Variants in CFAP410 observed in about 807,000 individuals in gnomAD.
The protein encoded by CFAP410 is cilia and flagella associated protein 410.
Under a neutral mutation model 25.7 loss-of-function variants are expected in CFAP410, and 27 were observed. The observed-to-expected ratio is 1.05, with a 90% CI of 0.77 to 1.45. The LOEUF (loss-of-function observed/expected upper bound fraction) is 1.45. Ranked by LOEUF, CFAP410 falls within the 40% of genes most tolerant of loss-of-function variation. The pLI is 0.00. For missense variants in CFAP410, 428 were observed against 354.1 expected, an observed-to-expected ratio of 1.21 and a Z score of -1.67; for synonymous variants, 178 against 158.4, an observed-to-expected ratio of 1.12 and a Z score of -0.93.
intron 1 of CFAP410, chr21:44,338,374 A>C (rs1302873635): frequency 1.7e-6 from 2 of 1,172,230 alleles, no homozygotes; most frequent in Admixed American, 4.6e-5. Flanking sequence ...GCAGGCCTCA[A>C]CTCCAGGCTC....
chr21:44,331,049 CA>C, intron 5 of CFAP410, 130 bp from the exon 6 acceptor site: 1 of 850,760 alleles, frequency 1.2e-6, no homozygotes, highest in Non-Finnish European at 1.8e-6. Flanking sequence ...CACACGGGGG[CA>C]AGAGAAGGGA....
rs752395624 is a variant in CFAP410 at position 44,331,894 on chromosome 21, CT to C, written c.493del (p.Ser165AlafsTer27). The C allele has an allele frequency of 6.1e-5, 99 of 1,613,010 alleles. No individual in the cohort carries two copies. Among genetic ancestry groups the C allele is most frequent in the Non-Finnish European group, 8.1e-5 (95 of 1,179,828 alleles). ...GTCCCGGCCAGTCTCAGCAGCGGAG[CT>C]GAGGGAGCTCAGTGTGCAGCATAGC... The part of the protein sequence containing the change: ...PKLCCTLSSL[S>X]SAAETGRDPL... On this transcript the variant is annotated frameshift_variant, in exon 5 of 7. Transcript: ENST00000339818. LOFTEE classifies it high-confidence loss of function.
chr21:44,332,141 A>G, intron 4 of CFAP410, 127 bp from the exon 5 acceptor site: 2 of 695,794 alleles, frequency 2.9e-6, no homozygotes, highest in East Asian at 3.2e-5. Context: ...ACGTGTATCC[A>G]CCTCCAGGGA....
At chr21:44,336,188 CT>C (rs2047753284) in intron 2 of CFAP410, among the ~76,000 whole-genome samples, 1 of 152,192 alleles carries the variant, frequency 6.6e-6, no homozygotes, top group Non-Finnish European at 1.5e-5. Context: ...CCAGGTTCTC[CT>C]CTGACACCAC....
chr21:44,333,057 G>A lies in CFAP410; in HGVS notation c.349C>T (p.Arg117Cys), dbSNP rs775496851. Residue 117 changes from arginine (R) to cysteine (C), a missense_variant, in exon 4 of 7, where the codon CGC becomes TGC. By Grantham distance (180) the Arg-to-Cys change is radical. Transcript: ENST00000339818. ...YRMTVLRTLP[R>C]LQKLDNQAVT... ...CCCTGGTTGTCCAGCTTCTGTAGGC[G>A]CGGCAGGGTGCGCAGCACGGTCATG... 4.4e-6 allele frequency: 7 copies of A among 1,598,994 alleles called. No individual in the cohort carries two copies. Among genetic ancestry groups the A allele is most frequent in the South Asian group, 2.2e-5 (2 of 90,096 alleles).
chr21:44,333,371 T>C, intron 3 of CFAP410, 109 bp from the exon 4 acceptor site: 1 of 831,936 alleles, frequency 1.2e-6, no homozygotes, highest in South Asian at 1.6e-5. Context: ...GTCCCTGCCC[T>C]CTCCTGAGAA....
In CFAP410 at chr21:44,337,736, C is replaced by A. The variant is rs111784759; in HGVS notation, c.78-69G>T. 9.9e-6 allele frequency: 13 copies of A among 1,314,468 alleles called. No individual in the cohort carries two copies. In the African/African-American group the frequency reaches 1.8e-4, roughly 18 times the overall value. The allele number at this position is 1,314,468 out of a possible 1,614,324, so 81.4% of individuals were successfully genotyped here. Reference sequence around the variant, plus strand: ...ATAAAAAACACTGAAGACAAAAATTCCAAAAATCACCGATGACTCCCTACA... The same window carrying A: ...ATAAAAAACACTGAAGACAAAAATTACAAAAATCACCGATGACTCCCTACA... On this transcript the variant is annotated intron_variant, in intron 1 of 6. Coordinates refer to ENST00000339818, the MANE Select transcript of CFAP410 (RefSeq NM_004928.3).
chr21:44,334,085 A>G (rs752399565), intron 3 of CFAP410: 1 of 455,710 alleles, frequency 2.2e-6, no homozygotes, highest in Non-Finnish European at 4.4e-6. Flanking sequence ...CGGCTGTGGG[A>G]CTCTTTCCAG....
chr21:44,330,943 G>A, intron 5 of CFAP410, 24 bp from the exon 6 acceptor site: 1 of 1,555,818 alleles, frequency 6.4e-7, no homozygotes, highest in Non-Finnish European at 8.7e-7. Flanking sequence ...AAAGGCGTGT[G>A]AGGGTCAGGG....
chr21:44,332,784 G>C (rs2146066683), intron 4 of CFAP410: 1 of 548,534 alleles, frequency 1.8e-6, no homozygotes, highest in East Asian at 2.9e-5. Flanking sequence ...ACCAGGTCCT[G>C]CGGTCGTTGG....
At chr21:44,336,836 T>C (rs2047765192) in intron 2 of CFAP410, 1 of 151,936 alleles carries the variant, frequency 6.6e-6, no homozygotes, top group Non-Finnish European at 1.5e-5. Flanking sequence ...GTAATTCCAA[T>C]ACTTTGCGAG....
At chr21:44,331,134 G>GCCCTCCCGGCACCCTGGGGCT (rs2047640494) in intron 5 of CFAP410, 1 of 584,898 alleles carries the variant, frequency 1.7e-6, no homozygotes, top group Non-Finnish European at 3.0e-6. Context: ...CCTGTGGGGC[G>GCCCTCCCGGCACCCTGGGGCT]CCCTCCCGGC....
Position 44,339,265 on chromosome 21 carries a change from G to T in CFAP410, c.-71C>A. On this transcript the variant is annotated 5_prime_UTR_variant, in exon 1 of 7. Coordinates refer to ENST00000339818, the MANE Select transcript of CFAP410 (RefSeq NM_004928.3). Reference sequence around the variant, plus strand: ...CCCGGGCGGGTGACGACTGCGCGGCGCGTGTCTCCAGGGGCGGGGCCCGCG... The same window carrying T: ...CCCGGGCGGGTGACGACTGCGCGGCTCGTGTCTCCAGGGGCGGGGCCCGCG... The T allele has an allele frequency of 2.0e-6, 2 of 1,019,714 alleles. No homozygotes were observed. The highest frequency in any genetic ancestry group is 1.3e-6 in the Non-Finnish European group (1 of 746,034). The allele number at this position is 1,019,714 out of a possible 1,614,324, so 63.2% of individuals were successfully genotyped here.
At chr21:44,333,893 GC>G in intron 3 of CFAP410, 1 of 356,876 alleles carries the variant, frequency 2.8e-6, no homozygotes. Flanking sequence ...CGGAGCCAGG[GC>G]CCCCTGCCTG....
rs934914396 is a variant in CFAP410 at position 44,338,344 on chromosome 21, C to G, written c.78-677G>C. On this transcript the variant is annotated intron_variant, in intron 1 of 6. Transcript: ENST00000339818. ...CGGCGCGGTCACTCTGCTGAGTCCCCAGGGAACCCTGGAGATCTTGCAGGC... is the reference window on the plus strand; with the variant it reads ...CGGCGCGGTCACTCTGCTGAGTCCCGAGGGAACCCTGGAGATCTTGCAGGC... 3.1e-6 allele frequency: 4 copies of G among 1,287,306 alleles called. No individual in the cohort carries two copies. In the African/African-American group the frequency reaches 6.1e-5, roughly 20 times the overall value. 79.7% of individuals were successfully genotyped at this position (1,287,306 alleles called of 1,614,324 possible).
chr21:44,331,119 C>A (rs904905788), intron 5 of CFAP410, 200 bp from the exon 6 acceptor site: 1 of 600,196 alleles, frequency 1.7e-6, no homozygotes, highest in South Asian at 2.1e-5. Flanking sequence ...CCGGCACTTA[C>A]TTCACCTGTG....
rs1056901460 is a variant in CFAP410, at chr21:44,333,271, A to C, written c.144-9T>G. The C allele has an allele frequency of 3.7e-6, 6 of 1,601,784 alleles. No homozygotes were observed. In the African/African-American group the frequency reaches 8.0e-5, roughly 21 times the overall value. Reference sequence around the variant, plus strand: ...TGGAGATGCTGTTGACACTGCACGGAGACCAGCACAGTCAGCGAGGGACGT... The same window carrying C: ...TGGAGATGCTGTTGACACTGCACGGCGACCAGCACAGTCAGCGAGGGACGT... On this transcript the variant is annotated splice_polypyrimidine_tract_variant and intron_variant, in intron 3 of 6. Coordinates refer to ENST00000339818, the MANE Select transcript of CFAP410 (RefSeq NM_004928.3).
chr21:44,330,956 C>A, intron 5 of CFAP410, 37 bp from the exon 6 acceptor site: 1 of 1,516,800 alleles, frequency 6.6e-7, no homozygotes, highest in Non-Finnish European at 8.9e-7. Context: ...GGTCAGGGGG[C>A]TCGTGGCACC....
chr21:44,333,189 G>C lies in CFAP410; in HGVS notation c.217C>G (p.Arg73Gly), dbSNP rs377552361. The C allele has an allele frequency of 6.8e-6, 11 of 1,612,902 alleles. No homozygotes were observed. Among genetic ancestry groups the C allele is most frequent in the Non-Finnish European group, 9.3e-6 (11 of 1,179,942 alleles). Reference protein sequence around the residue: ...RLSELYLRRNRIPSLAELFYL... With the variant: ...RLSELYLRRNGIPSLAELFYL... ...AAGAGCTCAGCCAGGCTGGGGATGC[G>C]GTTCCTCCGCAGGTACAGCTCACTC... The change falls in exon 4 of 7, where the codon CGC becomes GGC. Residue 73 changes from arginine to glycine, a missense_variant. Transcript: ENST00000339818.
Sources: gnomAD v4.1 joint callset for allele counts (sites outside exome capture counted in the v4.1 genomes callset) on GRCh38, gnomAD v4.1.1 for gene constraint, MANE v1.5 for transcripts, NCBI Gene and HGNC (gene_info 2026-07-23, HGNC 2026-07-21) for gene names.